SPATS2L: variants seen among roughly 807,000 people sequenced by gnomAD.
SPATS2L encodes the protein SPATS2-like protein.
A neutral mutation model predicts 59.6 loss-of-function variants in SPATS2L; 30 were observed. That is an observed-to-expected ratio of 0.50 (90% CI 0.38 to 0.68). The LOEUF is 0.68. Ranked by LOEUF, SPATS2L falls within the 30% of genes least tolerant of loss-of-function variation. The pLI, the probability that SPATS2L is intolerant of heterozygous loss-of-function variation, is 0.00. For synonymous variants in SPATS2L, 252 were observed against 263.5 expected (o/e 0.96, Z 0.42); for missense variants, 615 against 700.0 (o/e 0.88, Z 1.37).
In SPATS2L at chr2:200,375,314, T is replaced by C. The variant is rs568814947; in HGVS notation, c.-22-13909T>C. The stretch of plus-strand genomic sequence containing the variant: ...CATAGAAAAGGTTAACTTCAGTCTT[T>C]CTTTTTTGGACAAAAGTGTAGGCTT... On this transcript the variant is annotated intron_variant, in intron 2 of 12. Transcript: ENST00000409140. 4.8e-4 allele frequency among the ~76,000 whole-genome samples: 73 copies of C among 152,344 alleles called. No individual in the cohort carries two copies. In the South Asian group the frequency reaches 0.013, roughly 28 times the overall value.
At chr2:200,370,313 A>G (rs2081388703) in intron 2 of SPATS2L, among the ~76,000 whole-genome samples, 1 of 152,254 alleles carries the variant, frequency 6.6e-6, no homozygotes, top group Non-Finnish European at 1.5e-5. Context: ...AATGGAATGC[A>G]AAGTGAAGAG....
chr2:200,332,772 C>CTG (rs144988506), intron 2 of SPATS2L, among the ~76,000 whole-genome samples: 5,318 of 143,270 alleles, frequency 0.037, 111 homozygotes, highest in Non-Finnish European at 0.05. Context: ...AGTTAGCTGC[C>CTG]TGTGTGTGTG....
chr2:200,432,745 A>C (rs1475565470), intron 6 of SPATS2L, among the ~76,000 whole-genome samples: 2 of 152,238 alleles, frequency 1.3e-5, no homozygotes, highest in Non-Finnish European at 2.9e-5. Context: ...TAAGAATTTT[A>C]TGGAAAAAGA....
chr2:200,434,446 A>G (rs2106077982), intron 6 of SPATS2L, among the ~76,000 whole-genome samples: 1 of 152,172 alleles, frequency 6.6e-6, no homozygotes, highest in East Asian at 1.9e-4. Flanking sequence ...CACTGTCATC[A>G]TTGTGTTTGT....
At chr2:200,451,068 C>T (rs1279431848) in intron 8 of SPATS2L, among the ~76,000 whole-genome samples, 1 of 152,166 alleles carries the variant, frequency 6.6e-6, no homozygotes, top group Non-Finnish European at 1.5e-5. Flanking sequence ...CCTGTTATTC[C>T]AGCACTTTGG....
intron 8 of SPATS2L, among the ~76,000 whole-genome samples, chr2:200,446,948 T>C (rs935749021): frequency 6.6e-6 from 1 of 152,242 alleles, no homozygotes; most frequent in African/African-American, 2.4e-5. Flanking sequence ...AAAACAATTA[T>C]ACTGAAGTGT....
chr2:200,361,517 AACTGCAC>A (rs2105870870), intron 2 of SPATS2L, among the ~76,000 whole-genome samples: 1 of 152,334 alleles, frequency 6.6e-6, no homozygotes, highest in Admixed American at 6.5e-5. Flanking sequence ...TAAAATGATT[AACTGCAC>A]GCTAAGAGAA....
chr2:200,307,319 C>G (rs1480087787), intron 1 of SPATS2L, among the ~76,000 whole-genome samples: 2 of 151,806 alleles, frequency 1.3e-5, no homozygotes, highest in African/African-American at 2.4e-5. Flanking sequence ...CCGTTCCCTC[C>G]CAAGCCGGAA....
Position 200,452,123 on chromosome 2 carries a change from G to A in SPATS2L, c.789-7646G>A, listed in dbSNP as rs377488264. On this transcript the variant is annotated intron_variant, in intron 8 of 12. Transcript: ENST00000409140. ...GATGTAACTTTAAAAGGGGAAGCGG[G>A]GGAGTCAGCATTTTTATAGTCAAAG... 2.0e-5 allele frequency among the ~76,000 whole-genome samples: 3 copies of A among 152,176 alleles called. No individual in the cohort carries two copies. In the East Asian group the frequency reaches 5.8e-4, roughly 29 times the overall value.
chr2:200,475,742 G>T (rs1426074940), intron 12 of SPATS2L, among the ~76,000 whole-genome samples: 1 of 152,118 alleles, frequency 6.6e-6, no homozygotes, highest in Non-Finnish European at 1.5e-5. Flanking sequence ...ATTATTGGGG[G>T]TTGGTCTGCC....
At chr2:200,371,430 T>C (rs1415567522) in intron 2 of SPATS2L, among the ~76,000 whole-genome samples, 2 of 152,330 alleles carry the variant, frequency 1.3e-5, no homozygotes, top group South Asian at 2.1e-4. Context: ...CCGTCTTAGC[T>C]AAGGGTTTAG....
At chr2:200,377,492 T>G (rs2081639075) in intron 2 of SPATS2L, among the ~76,000 whole-genome samples, 2 of 152,178 alleles carry the variant, frequency 1.3e-5, no homozygotes, top group Admixed American at 6.5e-5. Context: ...TGAGCCTTTC[T>G]AAGAACATGT....
At chr2:200,355,061 C>T (rs577651148) in intron 2 of SPATS2L, among the ~76,000 whole-genome samples, 13 of 152,062 alleles carry the variant, frequency 8.5e-5, no homozygotes, top group East Asian at 1.9e-4. Context: ...ACAGGTTTCC[C>T]GTAGACATAA....
In SPATS2L at chr2:200,440,638, A is replaced by T. The variant is rs779591064; in HGVS notation, c.653-11A>T. On this transcript the variant is annotated splice_polypyrimidine_tract_variant and intron_variant, in intron 7 of 12. Coordinates refer to ENST00000409140, the MANE Select transcript of SPATS2L (RefSeq NM_001100423.2). ...GCTCAAGTTAATAATATTTTTTGAC[A>T]TCAATTTTAGGCCCAAATATTGAGA... 6.2e-7 allele frequency: 1 copy of T among 1,608,886 alleles called. No homozygotes were observed. The highest frequency in any genetic ancestry group is 1.7e-5 in the Admixed American group (1 of 59,282).
Position 200,440,750 on chromosome 2 carries a change from A to C in SPATS2L, c.754A>C (p.Lys252Gln). The C allele has an allele frequency of 6.2e-7, 1 of 1,613,674 alleles. No individual in the cohort carries two copies. The highest frequency in any genetic ancestry group is 8.5e-7 in the Non-Finnish European group (1 of 1,179,664). ...IKEEVDSSVK[K>Q]IKAAFAELHN... The stretch of plus-strand genomic sequence containing the variant: ...GGAAGAAGTGGATAGTTCCGTGAAG[A>C]AGATCAAAGCTGCCTTTGCTGAATT... Residue 252 changes from lysine to glutamine, a missense_variant, in exon 8 of 13, where the codon AAG becomes CAG. This residue lies in a region of SPATS2L where 104 missense variants were observed against 162.5 expected (regional missense o/e 0.64). Coordinates refer to ENST00000409140, the MANE Select transcript of SPATS2L (RefSeq NM_001100423.2).
chr2:200,404,183 T>C (rs2082619807), intron 3 of SPATS2L, among the ~76,000 whole-genome samples: 1 of 152,180 alleles, frequency 6.6e-6, no homozygotes, highest in Non-Finnish European at 1.5e-5. Flanking sequence ...CTCAGCACTT[T>C]GGGGAGATTA....
At chr2:200,476,688 G>A (rs1433973456) in intron 12 of SPATS2L, among the ~76,000 whole-genome samples, 1 of 152,218 alleles carries the variant, frequency 6.6e-6, no homozygotes, top group Non-Finnish European at 1.5e-5. Flanking sequence ...GAGCCCCAGA[G>A]GGCATGCGTT....
rs1006707102 is a variant in SPATS2L, at chr2:200,481,320, T to C, written c.*3289T>C. 1 of 152,220 alleles carries C rather than the reference T, an allele frequency of 6.6e-6. No individual in the cohort carries two copies. The highest frequency in any genetic ancestry group is 2.4e-5 in the African/African-American group (1 of 41,462). The allele number at this position is 152,220 out of a possible 1,614,324, so 9.4% of individuals were successfully genotyped here. On this transcript the variant is annotated 3_prime_UTR_variant, in exon 13 of 13. Transcript: ENST00000409140. ...GAGGTTAATGGGAAACGTTACCAGATTAAAAGCAGTTTTTTGACAAAGTAA... is the reference window on the plus strand; with the variant it reads ...GAGGTTAATGGGAAACGTTACCAGACTAAAAGCAGTTTTTTGACAAAGTAA...
At chr2:200,396,033 A>AAAAAAAATATATATATATATAT (rs1553520464) in intron 3 of SPATS2L, among the ~76,000 whole-genome samples, 1 of 21,142 alleles carries the variant, frequency 4.7e-5, no homozygotes, top group Non-Finnish European at 9.0e-5. Flanking sequence ...AAAAAAAAAA[A>AAAAAAAATATATATATATATAT]ATATATATAT....
Sources: gnomAD v4.1 joint callset for allele counts (sites outside exome capture counted in the v4.1 genomes callset) on GRCh38, gnomAD v4.1.1 for gene constraint, gnomAD v4.1.1 regional missense constraint, MANE v1.5 for transcripts, NCBI Gene and HGNC (gene_info 2026-07-23, HGNC 2026-07-21) for gene names.